The following NOL4L variants were observed in gnomAD, a reference collection of about 807,000 sequenced individuals.
NOL4L encodes the protein nucleolar protein 4-like.
In NOL4L, 7 loss-of-function variants were observed where a neutral mutation model predicts 64.5. The observed-to-expected ratio is 0.11, with a 90% CI of 0.06 to 0.20. The LOEUF (loss-of-function observed/expected upper bound fraction) is 0.20. Ranked by LOEUF, NOL4L falls within the 10% of genes least tolerant of loss-of-function variation. The pLI, the probability that NOL4L is intolerant of heterozygous loss-of-function variation, is 1.00. For missense variants in NOL4L, 680 were observed against 967.1 expected, an observed-to-expected ratio of 0.70 and a Z score of 3.94; for synonymous variants, 413 against 401.0, an observed-to-expected ratio of 1.03 and a Z score of -0.36.
chr20:32,534,336 C>A (rs1400866712), intron 1 of NOL4L, among the ~76,000 whole-genome samples: 6 of 152,198 alleles, frequency 3.9e-5, no homozygotes, highest in Admixed American at 3.9e-4. Flanking sequence ...GCCAGTAGAG[C>A]CCACCCCAAA....
intron 1 of NOL4L, among the ~76,000 whole-genome samples, chr20:32,570,177 C>A (rs1332227851): frequency 6.6e-6 from 1 of 152,058 alleles, no homozygotes; most frequent in African/African-American, 2.4e-5. Flanking sequence ...AGCCAGGATT[C>A]GAACCCAGGG....
At chr20:32,456,727 C>G (rs2013573028) in intron 5 of NOL4L, among the ~76,000 whole-genome samples, 1 of 152,218 alleles carries the variant, frequency 6.6e-6, no homozygotes. Context: ...AGTGGCCTGT[C>G]AGAGGGCCCT....
intron 4 of NOL4L, among the ~76,000 whole-genome samples, chr20:32,487,677 G>A (rs1056179233): frequency 6.6e-6 from 1 of 152,226 alleles, no homozygotes; most frequent in African/African-American, 2.4e-5. Context: ...CGTGAGGTGT[G>A]TGGGCTTTAC....
At chr20:32,545,945 CTTTTCTTTTT>C (rs1486155642) in intron 1 of NOL4L, among the ~76,000 whole-genome samples, 1 of 143,364 alleles carries the variant, frequency 7.0e-6, no homozygotes, top group African/African-American at 2.8e-5. Flanking sequence ...TTTTTTCTTT[CTTTTCTTTTT>C]TTTTTTTTTT....
intron 3 of NOL4L, among the ~76,000 whole-genome samples, chr20:32,514,879 C>T (rs2017580875): frequency 6.6e-6 from 1 of 151,962 alleles, no homozygotes; most frequent in Non-Finnish European, 1.5e-5. Context: ...TGTTAAGCAC[C>T]ATGGTGAGTG....
chr20:32,581,255 C>T (rs942013881), intron 1 of NOL4L, among the ~76,000 whole-genome samples: 4 of 152,298 alleles, frequency 2.6e-5, no homozygotes, highest in East Asian at 1.9e-4. Context: ...GGCTTCTCCT[C>T]GACCCCCGCC....
In NOL4L at chr20:32,486,770, G is replaced by A. The variant is rs146998381; in HGVS notation, c.700-12028C>T. The A allele has an allele frequency of 1.5e-4, 73 of 471,242 alleles. No individual in the cohort carries two copies. The East Asian group carries it at 4.8e-3, about 31-fold the overall frequency. 29.2% of individuals were successfully genotyped at this position (471,242 alleles called of 1,614,324 possible). Reference sequence around the variant, plus strand: ...AGCAGCCTCCAAAGTGGGGCCACCAGACATGATGTCCTCGGCTCCTGAAGG... The same window carrying A: ...AGCAGCCTCCAAAGTGGGGCCACCAAACATGATGTCCTCGGCTCCTGAAGG... On this transcript the variant is annotated intron_variant, in intron 4 of 10. Coordinates refer to ENST00000621426, the MANE Select transcript of NOL4L (RefSeq NM_001256798.2).
intron 4 of NOL4L, among the ~76,000 whole-genome samples, chr20:32,507,697 C>A (rs2017190707): frequency 1.3e-5 from 2 of 152,114 alleles, no homozygotes; most frequent in Admixed American, 1.3e-4. Flanking sequence ...AGATATAGAG[C>A]TTTGTTCAGC....
chr20:32,495,067 G>A (rs1025421877), intron 4 of NOL4L, among the ~76,000 whole-genome samples: 2 of 152,188 alleles, frequency 1.3e-5, no homozygotes, highest in Admixed American at 6.5e-5. Flanking sequence ...GCTACGCTAC[G>A]TCCAGGCACC....
intron 2 of NOL4L, among the ~76,000 whole-genome samples, chr20:32,521,380 C>T (rs1445016254): frequency 1.3e-5 from 2 of 152,178 alleles, no homozygotes; most frequent in Non-Finnish European, 2.9e-5. Context: ...CCTGTGATCA[C>T]TGACAGGTCA....
intron 3 of NOL4L, among the ~76,000 whole-genome samples, chr20:32,514,369 G>A (rs1018402111): frequency 6.6e-6 from 1 of 152,126 alleles, no homozygotes; most frequent in Non-Finnish European, 1.5e-5. Context: ...GCGCATGCCT[G>A]TAATCCCAGC....
chr20:32,575,383 C>T lies in NOL4L; in HGVS notation c.321+9187G>A, dbSNP rs953636809. 5.3e-5 allele frequency among the ~76,000 whole-genome samples: 8 copies of T among 152,200 alleles called. No homozygotes were observed. The East Asian group carries it at 7.7e-4, about 15-fold the overall frequency. ...CGTCGTACAACGCCCACGCTGACCC[C>T]GCCAAAACCAGTCCCACCCCCCGGA... On this transcript the variant is annotated intron_variant, in intron 1 of 10. Transcript: ENST00000621426.
chr20:32,546,988 C>T (rs555076121), intron 1 of NOL4L, among the ~76,000 whole-genome samples: 36 of 152,318 alleles, frequency 2.4e-4, no homozygotes, highest in African/African-American at 8.7e-4. Flanking sequence ...GGACCTTGGG[C>T]ATTCACTAAC....
chr20:32,456,084 GA>G, intron 6 of NOL4L, 33 bp downstream of exon 6: 1 of 1,462,104 alleles, frequency 6.8e-7, no homozygotes. Flanking sequence ...GCCCTTTACA[GA>G]AAGAAATGGA....
At chr20:32,505,426 A>G (rs2017099951) in intron 4 of NOL4L, among the ~76,000 whole-genome samples, 2 of 152,254 alleles carry the variant, frequency 1.3e-5, no homozygotes, top group African/African-American at 4.8e-5. Flanking sequence ...TATTGTCATA[A>G]AAAGGAATAA....
intron 1 of NOL4L, among the ~76,000 whole-genome samples, chr20:32,546,144 C>T (rs539836008): frequency 6.6e-6 from 1 of 152,084 alleles, no homozygotes; most frequent in East Asian, 1.9e-4. Context: ...GACGGGGTTT[C>T]ACCATGCTGG....
intron 2 of NOL4L, among the ~76,000 whole-genome samples, chr20:32,521,719 T>C (rs2017944016): frequency 6.6e-6 from 1 of 152,100 alleles, no homozygotes; most frequent in Non-Finnish European, 1.5e-5. Context: ...GGCCTAGGTG[T>C]CCAGCCCTTT....
chr20:32,494,089 C>A (rs140254041), intron 4 of NOL4L, among the ~76,000 whole-genome samples: 101 of 151,894 alleles, frequency 6.6e-4, no homozygotes, highest in African/African-American at 2.3e-3. Flanking sequence ...CTGGTCTCTA[C>A]TAAAAATACA....
At chr20:32,493,767 C>A (rs1470708171) in intron 4 of NOL4L, among the ~76,000 whole-genome samples, 2 of 152,202 alleles carry the variant, frequency 1.3e-5, no homozygotes, top group Non-Finnish European at 2.9e-5. Flanking sequence ...GCAGGGACTG[C>A]AGTGGTGAGA....
Sources: gnomAD v4.1 joint callset for allele counts (sites outside exome capture counted in the v4.1 genomes callset) on GRCh38, gnomAD v4.1.1 for gene constraint, MANE v1.5 for transcripts, NCBI Gene and HGNC (gene_info 2026-07-23, HGNC 2026-07-21) for gene names.